Variants in RYR2 observed in about 807,000 individuals in gnomAD.
The protein encoded by RYR2 is ryanodine receptor 2.
A neutral mutation model predicts 601.1 loss-of-function variants in RYR2; 227 were observed. The observed-to-expected ratio is 0.38, with a 90% confidence interval of 0.34 to 0.42. The LOEUF is 0.42. RYR2 is among the 10% of genes least tolerant of loss of function. The pLI is 1.00. For synonymous variants in RYR2, 2,223 were observed against 2,175.1 expected, an observed-to-expected ratio of 1.02 and a Z score of -0.61; for missense variants, 4,646 against 6,156.5, an observed-to-expected ratio of 0.75 and a Z score of 8.21.
At chr1:237,556,551 C>T (rs1234960829) in intron 27 of RYR2, among the ~76,000 whole-genome samples, 1 of 151,046 alleles carries the variant, frequency 6.6e-6, no homozygotes. Flanking sequence ...TGTTGTGATC[C>T]ACCCACCTTG....
At chr1:237,672,940 G>T (rs1384733643) in intron 58 of RYR2, among the ~76,000 whole-genome samples, 1 of 152,074 alleles carries the variant, frequency 6.6e-6, no homozygotes, top group Admixed American at 6.6e-5. Context: ...AAGTTCAGTG[G>T]GCGATTGCAT....
At chr1:237,706,263 A>G (rs1688369313) in intron 67 of RYR2, among the ~76,000 whole-genome samples, 1 of 152,042 alleles carries the variant, frequency 6.6e-6, no homozygotes, top group Admixed American at 6.6e-5. Flanking sequence ...CAACAACAAA[A>G]AAAGTTCAGC....
intron 1 of RYR2, among the ~76,000 whole-genome samples, chr1:237,250,465 A>G (rs1687338236): frequency 6.6e-6 from 1 of 152,162 alleles, no homozygotes; most frequent in Admixed American, 6.5e-5. Flanking sequence ...GAGCTTAAAG[A>G]TAGTCTCTCA....
chr1:237,134,565 A>T lies in RYR2; in HGVS notation c.48+91996A>T, dbSNP rs562129692. 4.6e-5 allele frequency among the ~76,000 whole-genome samples: 7 copies of T among 152,212 alleles called. No individual in the cohort carries two copies. In the South Asian group the frequency reaches 1.2e-3, roughly 27 times the overall value. On this transcript the variant is annotated intron_variant, in intron 1 of 104. Coordinates refer to ENST00000366574, the MANE Select transcript of RYR2 (RefSeq NM_001035.3). ...TGCCCCCATGATTCAGTTACCTCCC[A>T]CTGGGTCCCTCCCACATGTGAGAAT...
At chr1:237,656,829 A>C (rs1403352823) in intron 53 of RYR2, among the ~76,000 whole-genome samples, 2 of 152,158 alleles carry the variant, frequency 1.3e-5, no homozygotes, top group African/African-American at 4.8e-5. Flanking sequence ...TAATGCCTTA[A>C]ATTTGCATGT....
At chr1:237,445,778 C>G (rs970198557) in intron 14 of RYR2, among the ~76,000 whole-genome samples, 1 of 151,972 alleles carries the variant, frequency 6.6e-6, no homozygotes, top group African/African-American at 2.4e-5. Flanking sequence ...GATTTAATGA[C>G]TACTTTTCCT....
At chr1:237,227,941 G>A (rs891509680) in intron 1 of RYR2, among the ~76,000 whole-genome samples, 4 of 151,362 alleles carry the variant, frequency 2.6e-5, no homozygotes, top group Non-Finnish European at 5.9e-5. Flanking sequence ...GAAATGTGCT[G>A]TAAGAACTTA....
At chr1:237,388,304 A>G (rs903121590) in intron 10 of RYR2, 121 bp downstream of exon 10, 1 of 769,928 alleles carries the variant, frequency 1.3e-6, no homozygotes, top group Non-Finnish European at 2.1e-6. Flanking sequence ...ACTGACATTC[A>G]TTGATTCACT....
intron 1 of RYR2, among the ~76,000 whole-genome samples, chr1:237,246,026 C>T (rs914141176): frequency 1.1e-4 from 16 of 152,070 alleles, no homozygotes; most frequent in East Asian, 3.9e-4. Flanking sequence ...GTGATCTGCC[C>T]GCCTTGGCCT....
At chr1:237,682,266 A>G (rs976721194) in intron 62 of RYR2, among the ~76,000 whole-genome samples, 1 of 152,286 alleles carries the variant, frequency 6.6e-6, no homozygotes, top group East Asian at 1.9e-4. Context: ...ACCTTGGCCA[A>G]TTCTGTATCC....
At chr1:237,295,680 C>G (rs1452847002) in intron 2 of RYR2, among the ~76,000 whole-genome samples, 1 of 152,036 alleles carries the variant, frequency 6.6e-6, no homozygotes, top group Non-Finnish European at 1.5e-5. Flanking sequence ...TCTCTATGAA[C>G]ATTGTCTAAA....
chr1:237,626,420 G>A (rs563060249), intron 40 of RYR2, among the ~76,000 whole-genome samples: 65 of 151,716 alleles, frequency 4.3e-4, no homozygotes, highest in African/African-American at 1.2e-3. Context: ...ATAAACTTAC[G>A]AAAACTTTTA....
At chr1:237,515,458 G>A (rs889882984) in intron 24 of RYR2, among the ~76,000 whole-genome samples, 4 of 152,158 alleles carry the variant, frequency 2.6e-5, no homozygotes, top group Admixed American at 6.5e-5. Flanking sequence ...GCTTGTGCAC[G>A]TATGTGGTGA....
At position 237,339,736 on chromosome 1, in the gene RYR2, C is replaced by T. The variant is rs7545773; in HGVS notation, c.273+8754C>T. 6.2e-3 allele frequency among the ~76,000 whole-genome samples: 947 copies of T among 152,274 alleles called. 8 individuals carry two copies. Among genetic ancestry groups the T allele is most frequent in the African/African-American group, 0.022 (916 of 41,548 alleles). ...CCCTGTTCTGTGTTTGCTTGGTTCACAGGCTAGCTTCCCTCATGATTACAG... is the reference window on the plus strand; with the variant it reads ...CCCTGTTCTGTGTTTGCTTGGTTCATAGGCTAGCTTCCCTCATGATTACAG... On this transcript the variant is annotated intron_variant, in intron 3 of 104. Coordinates refer to ENST00000366574, the MANE Select transcript of RYR2 (RefSeq NM_001035.3).
In RYR2 at chr1:237,631,850, G is replaced by A. The variant is rs1759121; in HGVS notation, c.6555+309G>A. Among the ~76,000 whole-genome samples, 307 of 150,936 alleles carry A rather than the reference G, an allele frequency of 2.0e-3. 2 individuals carry two copies. Among genetic ancestry groups the A allele is most frequent in the Middle Eastern group, 6.8e-3 (2 of 294 alleles). On this transcript the variant is annotated intron_variant, in intron 42 of 104. Transcript: ENST00000366574. Reference sequence around the variant, plus strand: ...TCACTGTGTTAGCCAGGATGGTCTCGATCTCCTGACCTCGTGATCCGCCCG... The same window carrying A: ...TCACTGTGTTAGCCAGGATGGTCTCAATCTCCTGACCTCGTGATCCGCCCG...
Position 237,589,974 on chromosome 1 carries a change from A to G in RYR2, c.3780A>G (p.Gln1260=), listed in dbSNP as rs1674966038. 1 of 1,613,924 alleles carries G rather than the reference A, an allele frequency of 6.2e-7. No individual in the cohort carries two copies. The highest frequency in any genetic ancestry group is 8.5e-7 in the Non-Finnish European group (1 of 1,179,850). ...GCAAGAGGCTTCCTCAGTTTCTTCA[A>G]GTTCCATCAAACCATGAACATATAG... ...WLSKRLPQFL[Q]VPSNHEHIEV... is the part of the protein sequence containing the mutation. The change falls in exon 30 of 105, where the codon CAA becomes CAG. Residue 1260 remains glutamine, a synonymous_variant. Transcript: ENST00000366574.
At chr1:237,050,320 C>T (rs1405982578) in intron 1 of RYR2, among the ~76,000 whole-genome samples, 1 of 152,160 alleles carries the variant, frequency 6.6e-6, no homozygotes, top group Admixed American at 6.5e-5. Flanking sequence ...TGTATAGGAA[C>T]TCAGAGGCTG....
intron 80 of RYR2, among the ~76,000 whole-genome samples, chr1:237,749,433 C>CTATTAT (rs3036582): frequency 0.27 from 40,737 of 149,976 alleles, 6,286 homozygotes; most frequent in East Asian, 0.59. Flanking sequence ...TAAATATTTG[C>CTATTAT]TATTATTATT....
At position 237,278,162 on chromosome 1, in the gene RYR2, C is replaced by T. The variant is rs145709028; in HGVS notation, c.168+7546C>T. On this transcript the variant is annotated intron_variant, in intron 2 of 104. Coordinates refer to ENST00000366574, the MANE Select transcript of RYR2 (RefSeq NM_001035.3). ...CTTGGCTCACTGTAGTATCTGCCTC[C>T]TGGGCTCAAGCAGTCTTCCCACCTC... Among the ~76,000 whole-genome samples the T allele has an allele frequency of 9.2e-4, 139 of 151,678 alleles. 1 individual carries two copies. Among genetic ancestry groups the T allele is most frequent in the African/African-American group, 3.2e-3 (131 of 41,358 alleles).
Sources: gnomAD v4.1 joint callset for allele counts (sites outside exome capture counted in the v4.1 genomes callset) on GRCh38, gnomAD v4.1.1 for gene constraint, MANE v1.5 for transcripts, NCBI Gene and HGNC (gene_info 2026-07-23, HGNC 2026-07-21) for gene names.